CDKL5: variants seen among roughly 807,000 people sequenced by gnomAD.
The protein encoded by CDKL5 is cyclin dependent kinase like 5.
A neutral mutation model predicts 61.7 loss-of-function variants in CDKL5; 8 were observed. The ratio of observed to expected loss-of-function variants is 0.13; its 90% CI spans 0.08 to 0.23. CDKL5 has a LOEUF of 0.23. Among genes scored for constraint, CDKL5 ranks in the 10% least tolerant of loss-of-function variants. CDKL5 has a pLI of 1.00. For missense variants in CDKL5, 440 were observed against 734.5 expected, an observed-to-expected ratio of 0.60 and a Z score of 4.63; for synonymous variants, 275 against 272.3, an observed-to-expected ratio of 1.01 and a Z score of -0.10.
chrX:18,614,553 C>T, intron 15 of CDKL5, among the ~76,000 whole-genome samples: 1 of 112,010 alleles, frequency 8.9e-6, no homozygotes, highest in Non-Finnish European at 1.9e-5. Flanking sequence ...ATTAAAAGCA[C>T]CTAGAATAAT....
Position 18,630,096 on chromosome X carries a change from C to T in CDKL5, c.*1339C>T, listed in dbSNP as rs1190097660. On this transcript the variant is annotated 3_prime_UTR_variant, in exon 18 of 18. Coordinates refer to ENST00000623535, the MANE Select transcript of CDKL5 (RefSeq NM_001323289.2). Reference sequence around the variant, plus strand: ...CTCCAATACCATATTTAAAAGGCTCCTGGAGCAATTCCAGATAGATAAAAA... The same window carrying T: ...CTCCAATACCATATTTAAAAGGCTCTTGGAGCAATTCCAGATAGATAAAAA... The T allele has an allele frequency of 6.6e-6, 5 of 751,914 alleles. No homozygotes were observed. In the African/African-American group the frequency reaches 9.3e-5, roughly 14 times the overall value. 62.0% of individuals were successfully genotyped at this position (751,914 alleles called of 1,213,427 possible). A position where few individuals can be genotyped will look rare whatever the true frequency, so the allele number is the denominator to read the frequency against.
intron 11 of CDKL5, among the ~76,000 whole-genome samples, chrX:18,600,036 G>A (rs760056939): frequency 9.0e-6 from 1 of 111,414 alleles, no homozygotes; most frequent in Admixed American, 9.5e-5. Context: ...GGGCTCAAGC[G>A]ATTCGCCTGC....
chrX:18,620,379 C>A (rs917292094), intron 16 of CDKL5, among the ~76,000 whole-genome samples: 104 of 112,390 alleles, frequency 9.3e-4, no homozygotes, highest in African/African-American at 3.3e-3. Context: ...CTTATTCTCT[C>A]CTGGCTGGTT....
intron 1 of CDKL5, among the ~76,000 whole-genome samples, chrX:18,485,593 A>C (rs1364794287): frequency 8.9e-6 from 1 of 112,065 alleles, no homozygotes. Context: ...AGTCTACGAA[A>C]CAGAAAGAGC....
chrX:18,565,721 G>T (rs900760389), intron 4 of CDKL5, among the ~76,000 whole-genome samples: 1 of 112,452 alleles, frequency 8.9e-6, no homozygotes, highest in African/African-American at 3.2e-5. Context: ...CATCTCTGAT[G>T]TGCTAGTTAT....
chrX:18,573,166 G>A (rs1925187988), intron 4 of CDKL5, among the ~76,000 whole-genome samples: 1 of 111,328 alleles, frequency 9.0e-6, no homozygotes, highest in African/African-American at 3.3e-5. Context: ...GGAGGTGAGG[G>A]AGAGGGACAT....
chrX:18,510,914 G>C, intron 3 of CDKL5, 60 bp downstream of exon 3: 11 of 859,540 alleles, frequency 1.3e-5, no homozygotes, highest in Non-Finnish European at 1.9e-5. Context: ...TGAAACTAAT[G>C]TAGTGGTCTT....
chrX:18,630,354 G>A lies in CDKL5; in HGVS notation c.*1597G>A. ...GTCACCTCAGCACCATCATCTATCA[G>A]TAGTAGTAGATTTTTGGAATTAGTC... On this transcript the variant is annotated 3_prime_UTR_variant, in exon 18 of 18. Coordinates refer to ENST00000623535, the MANE Select transcript of CDKL5 (RefSeq NM_001323289.2). The A allele has an allele frequency of 8.0e-6, 6 of 753,400 alleles. No individual in the cohort carries two copies. In the African/African-American group the frequency reaches 9.2e-5, roughly 12 times the overall value. The allele number at this position is 753,400 out of a possible 1,213,427, so 62.1% of individuals were successfully genotyped here. A position where few individuals can be genotyped will look rare whatever the true frequency, so the allele number is the denominator to read the frequency against.
At chrX:18,650,583 C>G in exon 21 of CDKL5, 1 of 1,212,092 alleles carries the variant, frequency 8.3e-7, no homozygotes, top group Non-Finnish European at 1.1e-6. Flanking sequence ...CTGCCCAACC[C>G]AGCAATCCGG....
intron 3 of CDKL5, chrX:18,535,480 C>T (rs1032002882): frequency 8.9e-6 from 1 of 111,910 alleles, no homozygotes; most frequent in African/African-American, 3.3e-5. Context: ...CAAGTGTGGC[C>T]TTGAGAAACA....
At chrX:18,484,319 CT>C (rs201465854) in intron 1 of CDKL5, among the ~76,000 whole-genome samples, 40 of 107,851 alleles carry the variant, frequency 3.7e-4, no homozygotes, top group African/African-American at 1.3e-3. Flanking sequence ...ATAATCAATT[CT>C]TTTTTTTTGG....
In CDKL5 at chrX:18,628,769, AG is replaced by A. The variant is rs1157464019; in HGVS notation, c.*18del. The A allele has an allele frequency of 1.3e-5, 7 of 538,174 alleles. No individual in the cohort carries two copies. Among genetic ancestry groups the A allele is most frequent in the East Asian group, 5.2e-4 (2 of 3,836 alleles). The allele number at this position is 538,174 out of a possible 1,213,427, so 44.4% of individuals were successfully genotyped here. A position where few individuals can be genotyped will look rare whatever the true frequency, so the allele number is the denominator to read the frequency against. On this transcript the variant is annotated 3_prime_UTR_variant, in exon 18 of 18. Coordinates refer to ENST00000623535, the MANE Select transcript of CDKL5 (RefSeq NM_001323289.2). ...AGACAGCCTTGTAATTTGTGCTGGT[AG>A]GGGGGAGGGGTGGACAGACAAGCCA...
chrX:18,648,684 C>T (rs745837050), intron 20 of CDKL5, among the ~76,000 whole-genome samples: 2 of 112,132 alleles, frequency 1.8e-5, no homozygotes, highest in African/African-American at 3.2e-5. Context: ...TAAAGACTGC[C>T]TGCTGGGATT....
At chrX:18,466,709 C>T (rs942739539) in intron 1 of CDKL5, among the ~76,000 whole-genome samples, 6 of 111,383 alleles carry the variant, frequency 5.4e-5, no homozygotes, top group East Asian at 2.9e-4. Context: ...GACAGGGTTT[C>T]GCCATGTTGC....
chrX:18,606,799 T>A (rs1926380677), intron 12 of CDKL5, among the ~76,000 whole-genome samples: 1 of 112,148 alleles, frequency 8.9e-6, no homozygotes. Flanking sequence ...TGGAGTGGCT[T>A]TTGCAATAAT....
rs191964504 is a variant in CDKL5 at position 18,502,818 on chromosome X, G to T, written c.-162-4117G>T. On this transcript the variant is annotated intron_variant, in intron 1 of 17. Transcript: ENST00000623535. Reference sequence around the variant, plus strand: ...TGCCAGATCCTACCCTCAAAGCCTAGTGCTCTTGTAACTTTTCTTATCTTT... The same window carrying T: ...TGCCAGATCCTACCCTCAAAGCCTATTGCTCTTGTAACTTTTCTTATCTTT... 3.5e-3 allele frequency among the ~76,000 whole-genome samples: 389 copies of T among 111,924 alleles called. 2 individuals are homozygous for T. The Middle Eastern group carries it at 0.042, about 12-fold the overall frequency.
chrX:18,548,306 A>G (rs1228983281), intron 3 of CDKL5, among the ~76,000 whole-genome samples: 2 of 111,152 alleles, frequency 1.8e-5, no homozygotes, highest in East Asian at 2.8e-4. Flanking sequence ...AAACCTTATT[A>G]TATTTTACAC....
chrX:18,436,210 T>C (rs1931606293), intron 1 of CDKL5, among the ~76,000 whole-genome samples: 3 of 111,382 alleles, frequency 2.7e-5, no homozygotes, highest in African/African-American at 9.8e-5. Context: ...GTGCTCATCG[T>C]CTTCACATTG....
At chrX:18,574,780 C>T (rs944950981) in intron 4 of CDKL5, among the ~76,000 whole-genome samples, 1 of 112,060 alleles carries the variant, frequency 8.9e-6, no homozygotes, top group Non-Finnish European at 1.9e-5. Context: ...TTCCCTGCAA[C>T]TTGGCTGTGA....
Sources: allele counts gnomAD v4.1 joint callset (sites outside exome capture counted in the v4.1 genomes callset), GRCh38; gene constraint gnomAD v4.1.1; transcripts MANE v1.5; gene names NCBI Gene and HGNC (gene_info 2026-07-23, HGNC 2026-07-21).